RPL5: variants seen among roughly 807,000 people sequenced by gnomAD.
RPL5 encodes the protein ribosomal protein L5.
Under a neutral mutation model 38.4 loss-of-function variants are expected in RPL5, and 1 was observed. The ratio of observed to expected loss-of-function variants is 0.03; its 90% CI spans 0.01 to 0.12. The LOEUF is 0.12. Among genes scored for constraint, RPL5 ranks in the 10% least tolerant of loss-of-function variants. RPL5 has a pLI of 1.00. For synonymous variants in RPL5, 109 were observed against 121.2 expected (o/e 0.90, Z 0.66); for missense variants, 243 against 374.1 (o/e 0.65, Z 2.89).
At chr1:92,838,807 A>G (rs1302251209) in intron 6 of RPL5, among the ~76,000 whole-genome samples, 1 of 152,260 alleles carries the variant, frequency 6.6e-6, no homozygotes, top group Admixed American at 6.5e-5. Context: ...ACAGCTAGCT[A>G]TAATAGAGTG....
At position 92,833,578 on chromosome 1, in the gene RPL5, T is replaced by C. The variant is rs1294471544; in HGVS notation, c.107T>C (p.Leu36Ser). ...ACTGATTATTATGCTCGGAAACGCT[T>C]GGTGATACAAGATAAAAATAAATAC... ...GKTDYYARKR[L>S]VIQDKNKYNT... Residue 36 changes from leucine to serine, a missense_variant, in exon 3 of 8, where the codon TTG becomes TCG. Leu to Ser is a moderately radical substitution (Grantham distance 145). Coordinates refer to ENST00000370321, the MANE Select transcript of RPL5 (RefSeq NM_000969.5). 2 of 1,613,586 alleles carry C rather than the reference T, an allele frequency of 1.2e-6. No homozygotes were observed. Among genetic ancestry groups the C allele is most frequent in the Non-Finnish European group, 1.7e-6 (2 of 1,180,006 alleles).
At chr1:92,832,481 T>C (rs894462262) in intron 1 of RPL5, among the ~76,000 whole-genome samples, 1 of 152,110 alleles carries the variant, frequency 6.6e-6, no homozygotes, top group Non-Finnish European at 1.5e-5. Context: ...AACGCCAGAA[T>C]GGAGGGGGGC....
intron 6 of RPL5, among the ~76,000 whole-genome samples, chr1:92,838,046 T>C (rs6604026): frequency 0.26 from 39,030 of 152,136 alleles, 5,327 homozygotes; most frequent in Middle Eastern, 0.32. Flanking sequence ...TGCGTGATGT[T>C]GTAGAAATGA....
intron 6 of RPL5, 81 bp from the exon 7 acceptor site, chr1:92,840,466 AGAAG>A: frequency 1.0e-5 from 10 of 986,856 alleles, no homozygotes; most frequent in Non-Finnish European, 1.3e-5. Flanking sequence ...AATCTGGCTT[AGAAG>A]GACAAGATAA....
Position 92,832,133 on chromosome 1 carries a change from G to C in RPL5, c.3+16G>C, listed in dbSNP as rs749147586. On this transcript the variant is annotated intron_variant, in intron 1 of 7. Transcript: ENST00000370321. ...CCGCAGGATGGTGAGTGGATGCCTC[G>C]GTCTCGGGGCTTTAGATGCATGGAG... 5 of 1,614,044 alleles carry C rather than the reference G, an allele frequency of 3.1e-6. No individual in the cohort carries two copies. Among genetic ancestry groups the C allele is most frequent in the Non-Finnish European group, 4.2e-6 (5 of 1,179,964 alleles).
rs200628272 is a variant in RPL5, at chr1:92,832,120, G to C, written c.3+3G>C. 3.9e-3 allele frequency: 6,357 copies of C among 1,614,134 alleles called. 14 individuals are homozygous for C. Among genetic ancestry groups the C allele is most frequent in the Non-Finnish European group, 5.1e-3 (5,964 of 1,179,996 alleles). On this transcript the variant is annotated splice_donor_region_variant and intron_variant, in intron 1 of 7. Coordinates refer to ENST00000370321, the MANE Select transcript of RPL5 (RefSeq NM_000969.5). ...GCCGGTCTCTGTTCCGCAGGATGGT[G>C]AGTGGATGCCTCGGTCTCGGGGCTT...
rs1213783239 is a variant in RPL5 at position 92,832,741 on chromosome 1, AT to A, written c.3+626del. 6 of 444,330 alleles carry A rather than the reference AT, an allele frequency of 1.4e-5. No individual in the cohort carries two copies. In the Middle Eastern group the frequency reaches 1.9e-3, roughly 140 times the overall value. 27.5% of individuals were successfully genotyped at this position (444,330 alleles called of 1,614,324 possible). A position where few individuals can be genotyped will look rare whatever the true frequency, so the allele number is the denominator to read the frequency against. On this transcript the variant is annotated intron_variant, in intron 1 of 7. Transcript: ENST00000370321. Reference sequence around the variant, plus strand: ...TCCGTCGCCGGATGAGTTTTTAATTATTGGGGTAGGGCCCCAAGGGTGGGAT... The same window carrying A: ...TCCGTCGCCGGATGAGTTTTTAATTATGGGGTAGGGCCCCAAGGGTGGGAT...
chr1:92,839,031 C>CT (rs35078348), intron 6 of RPL5, among the ~76,000 whole-genome samples: 28,116 of 118,160 alleles, frequency 0.24, 3,829 homozygotes, highest in Middle Eastern at 0.3. Flanking sequence ...AGAGTTGCAG[C>CT]TTTTTTTTTT....
chr1:92,834,359 C>T (rs949176359), intron 3 of RPL5, among the ~76,000 whole-genome samples: 4 of 152,204 alleles, frequency 2.6e-5, no homozygotes, highest in African/African-American at 4.8e-5. Context: ...GTACTAAGAG[C>T]ATTCTCACTG....
At chr1:92,832,316 GC>G (rs1473242695) in intron 1 of RPL5, 199 bp downstream of exon 1, 1 of 789,156 alleles carries the variant, frequency 1.3e-6, no homozygotes, top group Non-Finnish European at 2.1e-6. Context: ...GGAGGGGTTG[GC>G]GAAGAAGGGT....
At chr1:92,832,138 C>T (rs774218096) in intron 1 of RPL5, 21 bp downstream of exon 1, 5 of 1,613,860 alleles carry the variant, frequency 3.1e-6, no homozygotes, top group Middle Eastern at 1.6e-4. Flanking sequence ...GCCTCGGTCT[C>T]GGGGCTTTAG....
Position 92,833,307 on chromosome 1 carries a change from T to TA in RPL5, c.4-81dup, listed in dbSNP as rs555012303. The TA allele has an allele frequency of 3.3e-4, 375 of 1,149,874 alleles. 2 individuals are homozygous for TA. In the African/African-American group the frequency reaches 5.1e-3, roughly 16 times the overall value. The allele number at this position is 1,149,874 out of a possible 1,614,324, so 71.2% of individuals were successfully genotyped here. On this transcript the variant is annotated intron_variant, in intron 1 of 7. Transcript: ENST00000370321. ...CTGTTTACTCTTGAAGTTCAAGTGT[T>TA]ACTTTGTTACATGGTTAATTTATGT...
At chr1:92,833,828 C>A in intron 3 of RPL5, 168 bp downstream of exon 3, 1 of 625,000 alleles carries the variant, frequency 1.6e-6, no homozygotes, top group Non-Finnish European at 2.8e-6. Flanking sequence ...GAACTTGGTA[C>A]TTTAAAAAAT....
In RPL5 at chr1:92,837,631, A is replaced by G. The variant is rs200087538; in HGVS notation, c.703A>G (p.Met235Val). 6.2e-7 allele frequency: 1 copy of G among 1,611,510 alleles called. No individual in the cohort carries two copies. Among genetic ancestry groups the G allele is most frequent in the Non-Finnish European group, 8.5e-7 (1 of 1,179,114 alleles). Residue 235 changes from methionine to valine, a missense_variant and splice_region_variant, in exon 6 of 8, where the codon ATG becomes GTG. Physicochemically the swap from Met to Val is conservative, Grantham distance 21. Transcript: ENST00000370321. The part of the protein sequence containing the change: ...QYIKNSVTPD[M>V]MEEMYKKAHA... ...CATAAAGAACAGCGTAACTCCAGAC[A>G]TGGTAAAACATTTACCTAAAAATGC...
At chr1:92,838,412 C>T (rs924162921) in intron 6 of RPL5, among the ~76,000 whole-genome samples, 2 of 152,180 alleles carry the variant, frequency 1.3e-5, no homozygotes, top group African/African-American at 4.8e-5. Flanking sequence ...TTCTACTAGT[C>T]TTGCAAAATT....
chr1:92,836,798 T>G (rs1036723060), intron 5 of RPL5: 1 of 219,952 alleles, frequency 4.5e-6, no homozygotes, highest in Non-Finnish European at 9.2e-6. Context: ...AGGAAAAGGC[T>G]TATGAAAGAT....
intron 1 of RPL5, among the ~76,000 whole-genome samples, chr1:92,832,521 G>A (rs950620567): frequency 6.6e-6 from 1 of 152,226 alleles, no homozygotes; most frequent in African/African-American, 2.4e-5. Flanking sequence ...CTCGACCTCC[G>A]AGTACCGAGT....
chr1:92,833,747 G>C (rs1254378716), intron 3 of RPL5, 87 bp downstream of exon 3: 5 of 1,064,918 alleles, frequency 4.7e-6, no homozygotes, highest in African/African-American at 1.6e-5. Context: ...GTGTTAGAAG[G>C]GCTGTCTAGC....
intron 6 of RPL5, among the ~76,000 whole-genome samples, chr1:92,840,120 C>G (rs775583584): frequency 6.6e-6 from 1 of 151,686 alleles, no homozygotes; most frequent in African/African-American, 2.4e-5. Context: ...CCTGGACTCA[C>G]GTGTAGTCCT....
Sources: gnomAD v4.1 joint callset for allele counts (sites outside exome capture counted in the v4.1 genomes callset) on GRCh38, gnomAD v4.1.1 for gene constraint, MANE v1.5 for transcripts, NCBI Gene and HGNC (gene_info 2026-07-23, HGNC 2026-07-21) for gene names.